Variants in GPC6 observed in about 807,000 individuals in gnomAD.
The protein encoded by GPC6 is glypican-6.
GPC6 carries 14 observed loss-of-function variants against 55.2 expected under a neutral mutation model. The ratio of observed to expected loss-of-function variants is 0.25; its 90% CI spans 0.17 to 0.40. GPC6 has a LOEUF of 0.40. Ranked by LOEUF, GPC6 falls within the 10% of genes least tolerant of loss-of-function variation. The pLI is 1.00. For missense variants in GPC6, 641 were observed against 708.5 expected, an observed-to-expected ratio of 0.90 and a Z score of 1.08; for synonymous variants, 278 against 259.6, an observed-to-expected ratio of 1.07 and a Z score of -0.68.
chr13:94,089,340 A>AAG (rs780223759), intron 4 of GPC6, among the ~76,000 whole-genome samples: 1 of 152,126 alleles, frequency 6.6e-6, no homozygotes, highest in Non-Finnish European at 1.5e-5. Context: ...GACATCGCAG[A>AAG]AGAGAGAGAG....
chr13:93,710,479 T>C (rs1031418444), intron 2 of GPC6, among the ~76,000 whole-genome samples: 1 of 151,792 alleles, frequency 6.6e-6, no homozygotes, highest in Non-Finnish European at 1.5e-5. Context: ...CCTTGTGATG[T>C]ACACAGAAAC....
intron 5 of GPC6, among the ~76,000 whole-genome samples, chr13:94,292,992 G>A (rs1875078271): frequency 2.6e-5 from 4 of 152,058 alleles, no homozygotes; most frequent in Admixed American, 2.0e-4. Context: ...ATAACATGAC[G>A]CTCATTTCAA....
chr13:93,539,007 C>T (rs1012572412), intron 1 of GPC6, among the ~76,000 whole-genome samples: 1 of 151,770 alleles, frequency 6.6e-6, no homozygotes. Flanking sequence ...TATACATGTG[C>T]CATGCTGGTG....
At chr13:93,910,675 C>A (rs755742900) in intron 3 of GPC6, among the ~76,000 whole-genome samples, 1 of 152,096 alleles carries the variant, frequency 6.6e-6, no homozygotes, top group Non-Finnish European at 1.5e-5. Flanking sequence ...TAAAATACCT[C>A]AAAGTTCTAG....
intron 1 of GPC6, among the ~76,000 whole-genome samples, chr13:93,312,158 C>A (rs1192385661): frequency 6.6e-6 from 1 of 152,024 alleles, no homozygotes; most frequent in African/African-American, 2.4e-5. Context: ...TTTTCTTATT[C>A]CAGGTCTTTG....
At chr13:94,278,401 C>G (rs976914924) in intron 4 of GPC6, among the ~76,000 whole-genome samples, 3 of 152,078 alleles carry the variant, frequency 2.0e-5, no homozygotes, top group African/African-American at 7.2e-5. Context: ...ATTTGACTTC[C>G]TCTCTTTCTA....
intron 1 of GPC6, among the ~76,000 whole-genome samples, chr13:93,380,769 T>C (rs553948315): frequency 1.3e-5 from 2 of 152,284 alleles, no homozygotes; most frequent in South Asian, 4.1e-4. Context: ...TTTGTCCTGT[T>C]CCCTCTTTAT....
intron 2 of GPC6, among the ~76,000 whole-genome samples, chr13:93,814,631 T>C (rs989284384): frequency 2.0e-4 from 31 of 152,212 alleles, no homozygotes; most frequent in Admixed American, 1.6e-3. Context: ...AACCAGAACC[T>C]GGCTTGGAAA....
intron 3 of GPC6, among the ~76,000 whole-genome samples, chr13:93,999,334 T>A (rs1881697012): frequency 6.6e-6 from 1 of 152,206 alleles, no homozygotes; most frequent in Non-Finnish European, 1.5e-5. Flanking sequence ...TCCAGCTTCA[T>A]CCATGTACCT....
chr13:93,228,332 G>C (rs563949789), intron 1 of GPC6, among the ~76,000 whole-genome samples: 1 of 152,304 alleles, frequency 6.6e-6, no homozygotes, highest in South Asian at 2.1e-4. Context: ...TCAGGGCCCG[G>C]GGACACCCTG....
chr13:93,974,811 A>G (rs1344592890), intron 3 of GPC6, among the ~76,000 whole-genome samples: 1 of 152,092 alleles, frequency 6.6e-6, no homozygotes, highest in Non-Finnish European at 1.5e-5. Flanking sequence ...GACATTTACT[A>G]TATTCTAAGG....
In GPC6 at chr13:94,406,474, AC is replaced by A. The variant is rs1881372408; in HGVS notation, c.*3259del. 1 of 152,176 alleles carries A rather than the reference AC, an allele frequency of 6.6e-6. No individual in the cohort carries two copies. Among genetic ancestry groups the A allele is most frequent in the Non-Finnish European group, 1.5e-5 (1 of 67,982 alleles). 9.4% of individuals were successfully genotyped at this position (152,176 alleles called of 1,614,324 possible). A position where few individuals can be genotyped will look rare whatever the true frequency, so the allele number is the denominator to read the frequency against. ...AAATCTGTCTCCCTTACAATGACTT[AC>A]CTAGCTAGCATCAAGTAACTTGTAT... On this transcript the variant is annotated 3_prime_UTR_variant, in exon 9 of 9. Transcript: ENST00000377047.
chr13:93,994,718 T>A (rs548394657), intron 3 of GPC6, among the ~76,000 whole-genome samples: 1 of 152,200 alleles, frequency 6.6e-6, no homozygotes, highest in African/African-American at 2.4e-5. Flanking sequence ...AAGAAGAGAG[T>A]TTTTCCCATT....
At chr13:93,924,696 C>CTTTT (rs10710851) in intron 3 of GPC6, among the ~76,000 whole-genome samples, 3 of 128,560 alleles carry the variant, frequency 2.3e-5, no homozygotes, top group Non-Finnish European at 3.4e-5. Flanking sequence ...TCTTTCTTTT[C>CTTTT]TTTTTTTTTT....
chr13:93,297,032 C>T (rs533827099), intron 1 of GPC6, among the ~76,000 whole-genome samples: 4 of 152,286 alleles, frequency 2.6e-5, no homozygotes, highest in African/African-American at 9.6e-5. Context: ...TGGAGTTAGA[C>T]AGTGAGCCCC....
chr13:93,629,309 G>A (rs1030307242), intron 2 of GPC6, among the ~76,000 whole-genome samples: 5 of 151,874 alleles, frequency 3.3e-5, no homozygotes, highest in Non-Finnish European at 7.4e-5. Context: ...TCTTTTTGTG[G>A]CCTGTTATAT....
At chr13:94,305,487 A>C (rs1875893830) in intron 5 of GPC6, among the ~76,000 whole-genome samples, 1 of 152,210 alleles carries the variant, frequency 6.6e-6, no homozygotes, top group Non-Finnish European at 1.5e-5. Context: ...GGACCATTTT[A>C]AACATTGAAA....
At chr13:93,470,171 T>G (rs1336103052) in intron 1 of GPC6, among the ~76,000 whole-genome samples, 1 of 152,160 alleles carries the variant, frequency 6.6e-6, no homozygotes, top group Non-Finnish European at 1.5e-5. Flanking sequence ...GAGATTTTTT[T>G]TTCTTGTCTT....
intron 3 of GPC6, among the ~76,000 whole-genome samples, chr13:93,839,774 A>G (rs182386219): frequency 2.6e-5 from 4 of 152,192 alleles, no homozygotes; most frequent in African/African-American, 7.2e-5. Context: ...CTGAGCCAAG[A>G]TCTTGCATAT....
Sources: gnomAD v4.1 joint callset for allele counts (sites outside exome capture counted in the v4.1 genomes callset) on GRCh38, gnomAD v4.1.1 for gene constraint, MANE v1.5 for transcripts, NCBI Gene and HGNC (gene_info 2026-07-23, HGNC 2026-07-21) for gene names.